AGBL4: variants seen among roughly 807,000 people sequenced by gnomAD.
AGBL4 encodes the protein AGBL carboxypeptidase 4.
Under a neutral mutation model 66.4 loss-of-function variants are expected in AGBL4, and 58 were observed. That is an observed-to-expected ratio of 0.87 (90% CI 0.71 to 1.09). The LOEUF (loss-of-function observed/expected upper bound fraction) is 1.09, where lower values mean the gene tolerates loss of function less well. Among genes scored for constraint, AGBL4 ranks in the 50% least tolerant of loss-of-function variants. The pLI is 0.00. For missense variants in AGBL4, 579 were observed against 631.0 expected (o/e 0.92, Z 0.88); for synonymous variants, 234 against 222.9 (o/e 1.05, Z -0.44).
At chr1:49,343,435 G>T (rs1405276461) in intron 3 of AGBL4, among the ~76,000 whole-genome samples, 1 of 152,106 alleles carries the variant, frequency 6.6e-6, no homozygotes, top group Non-Finnish European at 1.5e-5. Flanking sequence ...TTCAGAAATG[G>T]CTAATGGAAG....
intron 4 of AGBL4, among the ~76,000 whole-genome samples, chr1:49,243,447 T>C (rs916185562): frequency 6.6e-6 from 1 of 151,698 alleles, no homozygotes; most frequent in African/African-American, 2.4e-5. Flanking sequence ...TGCTGGGAGA[T>C]AGGCTTGGGT....
At chr1:48,843,036 C>T (rs1224727366) in intron 6 of AGBL4, among the ~76,000 whole-genome samples, 1 of 151,958 alleles carries the variant, frequency 6.6e-6, no homozygotes, top group Non-Finnish European at 1.5e-5. Context: ...AAAAGGGGAG[C>T]TGTTGTTTAA....
At chr1:49,251,594 C>T (rs1490079250) in intron 3 of AGBL4, among the ~76,000 whole-genome samples, 1 of 152,216 alleles carries the variant, frequency 6.6e-6, no homozygotes, top group East Asian at 1.9e-4. Context: ...GCACAGTCTC[C>T]AGCAGGGGCC....
intron 6 of AGBL4, among the ~76,000 whole-genome samples, chr1:48,786,031 A>C (rs1645400061): frequency 6.6e-6 from 1 of 152,066 alleles, no homozygotes; most frequent in South Asian, 2.1e-4. Context: ...AAAAAAAGAC[A>C]ACTCTAGGTT....
At chr1:49,402,009 A>G (rs1387664797) in intron 3 of AGBL4, among the ~76,000 whole-genome samples, 1 of 152,096 alleles carries the variant, frequency 6.6e-6, no homozygotes, top group Non-Finnish European at 1.5e-5. Flanking sequence ...AATTTGTGTT[A>G]TCAGTTGTAA....
At chr1:49,602,829 AAAT>A (rs1644986861) in intron 3 of AGBL4, among the ~76,000 whole-genome samples, 1 of 121,442 alleles carries the variant, frequency 8.2e-6, no homozygotes, top group Non-Finnish European at 1.7e-5. Flanking sequence ...TACAATAAAT[AAAT>A]AAATAAATAA....
chr1:49,191,855 T>A (rs1218347799), intron 4 of AGBL4, among the ~76,000 whole-genome samples: 3 of 152,232 alleles, frequency 2.0e-5, no homozygotes, highest in African/African-American at 7.2e-5. Flanking sequence ...CTTTATCTAA[T>A]CCATCATTGA....
intron 3 of AGBL4, among the ~76,000 whole-genome samples, chr1:49,512,459 G>A (rs1649357335): frequency 6.6e-6 from 1 of 151,866 alleles, no homozygotes; most frequent in Non-Finnish European, 1.5e-5. Context: ...TTGGATCATG[G>A]GGGCAGATCC....
chr1:48,677,670 C>T (rs766108935), intron 6 of AGBL4, among the ~76,000 whole-genome samples: 1 of 152,222 alleles, frequency 6.6e-6, no homozygotes, highest in Non-Finnish European at 1.5e-5. Flanking sequence ...ACCCTGCGCT[C>T]TTCCCTGACA....
chr1:48,598,988 G>T (rs748741704), intron 9 of AGBL4, among the ~76,000 whole-genome samples: 22 of 151,634 alleles, frequency 1.5e-4, no homozygotes, highest in Non-Finnish European at 2.4e-4. Context: ...TAAATTATGG[G>T]TTTTTTTAAT....
chr1:48,911,619 CAA>C (rs746193402), intron 5 of AGBL4, among the ~76,000 whole-genome samples: 1,817 of 70,204 alleles, frequency 0.026, 25 homozygotes, highest in African/African-American at 0.076. Context: ...AACTCCGTCT[CAA>C]AAAAAAAAAA....
At chr1:48,670,342 GC>G (rs1331112252) in intron 6 of AGBL4, among the ~76,000 whole-genome samples, 4 of 152,350 alleles carry the variant, frequency 2.6e-5, no homozygotes, top group Non-Finnish European at 5.9e-5. Flanking sequence ...CGAGTGACTT[GC>G]CCCTGGCCAC....
At chr1:48,929,457 A>G (rs769159317) in intron 5 of AGBL4, among the ~76,000 whole-genome samples, 6 of 152,206 alleles carry the variant, frequency 3.9e-5, no homozygotes, top group Non-Finnish European at 7.4e-5. Flanking sequence ...ACTTATTTTT[A>G]TAACTCAGCT....
At chr1:48,722,216 A>G (rs1647163328) in intron 6 of AGBL4, among the ~76,000 whole-genome samples, 1 of 152,208 alleles carries the variant, frequency 6.6e-6, no homozygotes, top group Non-Finnish European at 1.5e-5. Context: ...GATCTCGACC[A>G]GCTGAAATGT....
intron 6 of AGBL4, among the ~76,000 whole-genome samples, chr1:48,674,533 AG>A (rs997240471): frequency 6.2e-4 from 11 of 17,752 alleles, no homozygotes; most frequent in South Asian, 5.5e-3. Context: ...TGGGGCGGGG[AG>A]GGGGGGGATG....
At chr1:49,854,404 CCCCAG>C (rs1485342969) in intron 1 of AGBL4, among the ~76,000 whole-genome samples, 1 of 152,040 alleles carries the variant, frequency 6.6e-6, no homozygotes, top group Non-Finnish European at 1.5e-5. Flanking sequence ...AGTAAAAGAT[CCCCAG>C]TGCTGCACAT....
chr1:48,855,696 A>G (rs1360031727), intron 6 of AGBL4, among the ~76,000 whole-genome samples: 3 of 152,216 alleles, frequency 2.0e-5, no homozygotes, highest in Admixed American at 6.5e-5. Flanking sequence ...AATTTATGGT[A>G]GAGTTATTTA....
intron 1 of AGBL4, among the ~76,000 whole-genome samples, chr1:49,986,436 C>T (rs1044266997): frequency 2.0e-5 from 3 of 152,020 alleles, no homozygotes; most frequent in Non-Finnish European, 2.9e-5. Context: ...TGGGTTACTC[C>T]GACTTCCACC....
chr1:49,955,374 T>C (rs1656510869), intron 1 of AGBL4, among the ~76,000 whole-genome samples: 1 of 151,966 alleles, frequency 6.6e-6, no homozygotes, highest in African/African-American at 2.4e-5. Context: ...TTACATTGGG[T>C]AGTTCAACTA....
Sources: gnomAD v4.1 joint callset for allele counts (sites outside exome capture counted in the v4.1 genomes callset) on GRCh38, gnomAD v4.1.1 for gene constraint, MANE v1.5 for transcripts, NCBI Gene and HGNC (gene_info 2026-07-23, HGNC 2026-07-21) for gene names.